The following SNX18 variants were observed in gnomAD, a reference collection of about 807,000 sequenced individuals.
The protein encoded by SNX18 is sorting nexin 18, also known as sorting nexin-18.
Under a neutral mutation model 48.7 loss-of-function variants are expected in SNX18, and 35 were observed. That is an observed-to-expected ratio of 0.72 (90% confidence interval 0.55 to 0.95). The LOEUF is 0.95. Among genes scored for constraint, SNX18 ranks in the 40% least tolerant of loss-of-function variants. SNX18 has a pLI of 0.00. For synonymous variants in SNX18, 492 were observed against 384.7 expected, an observed-to-expected ratio of 1.28 and a Z score of -3.26; for missense variants, 824 against 871.0, an observed-to-expected ratio of 0.95 and a Z score of 0.68.
intron 1 of SNX18, among the ~76,000 whole-genome samples, chr5:54,540,208 G>C (rs1467335811): frequency 2.5e-5 from 2 of 79,182 alleles, no homozygotes; most frequent in African/African-American, 1.0e-4. Context: ...CTTTAGACTT[G>C]TTCTTTTTTT....
At chr5:54,596,126 A>G in the SNX18 span, among the ~76,000 whole-genome samples, 6 of 152,342 alleles carry the variant, frequency 3.9e-5, no homozygotes, top group African/African-American at 1.2e-4. Context: ...TGCCAACAGC[A>G]TTGCTACTGG....
At chr5:54,633,403 A>G in the SNX18 span, among the ~76,000 whole-genome samples, 1 of 152,118 alleles carries the variant, frequency 6.6e-6, no homozygotes, top group Non-Finnish European at 1.5e-5. Context: ...CCGCATTTTA[A>G]AAGGATAGAG....
Position 54,518,746 on chromosome 5 carries a change from A to G in SNX18, c.794A>G (p.Tyr265Cys), listed in dbSNP as rs974255513. ...GDKLCVVLGP[Y>C]GPEWQENPYP... ...AAGCTGTGCGTGGTGCTGGGGCCCT[A>G]TGGCCCCGAGTGGCAGGAGAACCCC... is the stretch of plus-strand genomic sequence containing the variant. The change falls in exon 1 of 2, where the codon TAT (tyrosine) becomes TGT (cysteine). Residue 265 changes from tyrosine (Y) to cysteine (C), a missense_variant. Transcript: ENST00000381410. The G allele has an allele frequency of 3.1e-6, 5 of 1,605,982 alleles. No individual in the cohort carries two copies. The highest frequency in any genetic ancestry group is 4.3e-6 in the Non-Finnish European group (5 of 1,175,960).
chr5:54,591,244 A>G, the SNX18 span, among the ~76,000 whole-genome samples: 1 of 151,674 alleles, frequency 6.6e-6, no homozygotes, highest in African/African-American at 2.4e-5. Flanking sequence ...CAGTGGTGTG[A>G]TCATAGTTCA....
At chr5:54,543,079 G>A in intron 1 of SNX18, 100 bp from the exon 2 acceptor site, 2 of 1,156,122 alleles carry the variant, frequency 1.7e-6, no homozygotes, top group Non-Finnish European at 2.4e-6. Flanking sequence ...AATAGTTTGG[G>A]CAACTATTTA....
At chr5:54,519,847 A>G in intron 1 of SNX18, 20 of 1,581,422 alleles carry the variant, frequency 1.3e-5, no homozygotes, top group Non-Finnish European at 1.7e-5. Context: ...TAGAGTTTGA[A>G]TAGTTGAGTA....
the SNX18 span, among the ~76,000 whole-genome samples, chr5:54,599,009 A>G: frequency 6.6e-6 from 1 of 152,234 alleles, no homozygotes; most frequent in South Asian, 2.1e-4. Flanking sequence ...AAACTTCTTA[A>G]GCTGATAAGC....
the SNX18 span, among the ~76,000 whole-genome samples, chr5:54,632,274 GATCC>G: frequency 6.6e-6 from 1 of 152,188 alleles, no homozygotes; most frequent in Non-Finnish European, 1.5e-5. Flanking sequence ...CAGGGGAGTG[GATCC>G]AGCCAAAACA....
chr5:54,541,821 C>G (rs562843124), intron 1 of SNX18, among the ~76,000 whole-genome samples: 1 of 152,268 alleles, frequency 6.6e-6, no homozygotes, highest in East Asian at 1.9e-4. Context: ...AAAAAGCATA[C>G]TGCTTTACGT....
At chr5:54,562,454 A>G in the SNX18 span, among the ~76,000 whole-genome samples, 2 of 152,296 alleles carry the variant, frequency 1.3e-5, no homozygotes, top group African/African-American at 4.8e-5. Flanking sequence ...GCACCAAATA[A>G]CAATGTTTTG....
chr5:54,533,856 G>A (rs899581961), intron 1 of SNX18, among the ~76,000 whole-genome samples: 2 of 152,114 alleles, frequency 1.3e-5, no homozygotes, highest in Non-Finnish European at 2.9e-5. Context: ...TTAGAGCAGA[G>A]AGGGGGAAGG....
At chr5:54,600,123 AT>A in the SNX18 span, among the ~76,000 whole-genome samples, 7 of 152,200 alleles carry the variant, frequency 4.6e-5, no homozygotes, top group African/African-American at 1.7e-4. Flanking sequence ...AGGAATTCAA[AT>A]TTACAAGAAA....
At chr5:54,611,747 T>C in the SNX18 span, among the ~76,000 whole-genome samples, 1 of 150,670 alleles carries the variant, frequency 6.6e-6, no homozygotes, top group South Asian at 2.1e-4. Context: ...AAAGGAGAAG[T>C]GGGGGTGGGG....
At chr5:54,536,435 G>A (rs1005081705) in intron 1 of SNX18, among the ~76,000 whole-genome samples, 1 of 137,086 alleles carries the variant, frequency 7.3e-6, no homozygotes, top group Non-Finnish European at 1.5e-5. Flanking sequence ...CTGTGTCCAA[G>A]TGTTCTCATT....
the SNX18 span, among the ~76,000 whole-genome samples, chr5:54,620,335 G>A: frequency 6.6e-6 from 1 of 152,138 alleles, no homozygotes; most frequent in Non-Finnish European, 1.5e-5. Context: ...TGGAAGGAGA[G>A]TCACATAGAG....
At chr5:54,571,121 T>G in the SNX18 span, among the ~76,000 whole-genome samples, 1 of 151,950 alleles carries the variant, frequency 6.6e-6, no homozygotes, top group Non-Finnish European at 1.5e-5. Flanking sequence ...GGAGGAGGCC[T>G]CCTGTGTTTT....
At chr5:54,638,917 T>C in the SNX18 span, among the ~76,000 whole-genome samples, 1 of 152,136 alleles carries the variant, frequency 6.6e-6, no homozygotes, top group African/African-American at 2.4e-5. Context: ...CCTTCCCACC[T>C]CCACTCCATG....
chr5:54,535,406 G>A (rs1467511208), intron 1 of SNX18, among the ~76,000 whole-genome samples: 1 of 152,228 alleles, frequency 6.6e-6, no homozygotes, highest in African/African-American at 2.4e-5. Flanking sequence ...TCCAGGTACA[G>A]AATCAGCGTG....
chr5:54,525,602 T>G (rs1349131484), intron 1 of SNX18, among the ~76,000 whole-genome samples: 2 of 152,070 alleles, frequency 1.3e-5, no homozygotes, highest in East Asian at 3.9e-4. Flanking sequence ...GAGTCAATCG[T>G]TTGTTGTTGT....
Sources: allele counts gnomAD v4.1 joint callset (sites outside exome capture counted in the v4.1 genomes callset), GRCh38; gene constraint gnomAD v4.1.1; transcripts MANE v1.5; gene names NCBI Gene and HGNC (gene_info 2026-07-23, HGNC 2026-07-21).